The following TGIF1 variants were observed in gnomAD, a reference collection of about 807,000 sequenced individuals.
TGIF1 encodes the protein TGFB induced factor homeobox 1.
A neutral mutation model predicts 19.3 loss-of-function variants in TGIF1; 4 were observed. That is an observed-to-expected ratio of 0.21 (90% CI 0.10 to 0.47). The LOEUF is 0.47. TGIF1 is among the 20% of genes least tolerant of loss of function. The probability of loss-of-function intolerance (pLI) is 0.98; values close to 1 mark genes in which losing one functional copy is unlikely to be tolerated. For missense variants in TGIF1, 275 were observed against 341.4 expected, an observed-to-expected ratio of 0.81 and a Z score of 1.53; for synonymous variants, 122 against 129.3, an observed-to-expected ratio of 0.94 and a Z score of 0.38.
chr18:3,453,928 A>G (rs914127216), intron 1 of TGIF1: 2 of 744,102 alleles, frequency 2.7e-6, no homozygotes, highest in African/African-American at 3.8e-5. Context: ...ACAATAGGAA[A>G]TGAGTAAGGA....
At chr18:3,442,966 G>C (rs890226548) in intron 2 of TGIF1, among the ~76,000 whole-genome samples, 6 of 152,160 alleles carry the variant, frequency 3.9e-5, no homozygotes, top group African/African-American at 1.4e-4. Flanking sequence ...ATTTTAAATA[G>C]GTAAGATCAT....
upstream of TGIF1, chr18:3,448,285 C>T (rs2082785167): frequency 1.0e-6 from 1 of 985,452 alleles, no homozygotes; most frequent in Non-Finnish European, 1.2e-6. Flanking sequence ...CCTCCCTCCG[C>T]TCCCGGCTCC....
At chr18:3,436,385 C>A (rs2082614568) in intron 2 of TGIF1, among the ~76,000 whole-genome samples, 1 of 152,148 alleles carries the variant, frequency 6.6e-6, no homozygotes, top group South Asian at 2.1e-4. Context: ...CAAACTTTAT[C>A]CAGCAGATGA....
chr18:3,450,799 C>T (rs2082890517), intron 1 of TGIF1, among the ~76,000 whole-genome samples: 2 of 152,224 alleles, frequency 1.3e-5, no homozygotes, highest in African/African-American at 2.4e-5. Context: ...TCCGCCGACA[C>T]CCCACGCTCG....
At chr18:3,425,355 C>G (rs1035185145) in intron 2 of TGIF1, among the ~76,000 whole-genome samples, 10 of 152,274 alleles carry the variant, frequency 6.6e-5, no homozygotes, top group African/African-American at 2.4e-4. Context: ...CTAAACTACC[C>G]TTGTAAAACT....
rs2082931836 is a variant in TGIF1 at position 3,451,550 on chromosome 18, C to T, written c.16+1045C>T. 4.0e-6 allele frequency: 4 copies of T among 1,012,460 alleles called. No individual in the cohort carries two copies. In the South Asian group the frequency reaches 1.4e-4, roughly 35 times the overall value. The allele number at this position is 1,012,460 out of a possible 1,614,324, so 62.7% of individuals were successfully genotyped here. A position where few individuals can be genotyped will look rare whatever the true frequency, so the allele number is the denominator to read the frequency against. ...CTCGGGAAGCGGACGGGAGGGGCGG[C>T]GCTACTGCGCATGCCCGGGAGCCGC... On this transcript the variant is annotated intron_variant, in intron 1 of 2. Transcript: ENST00000343820. This position sits in a 1 kb window ranked among gnomAD's most constrained non-coding sequence, Gnocchi z 5.4.
chr18:3,450,734 C>A (rs1486137223), intron 1 of TGIF1, among the ~76,000 whole-genome samples: 3 of 152,208 alleles, frequency 2.0e-5, no homozygotes, highest in African/African-American at 4.8e-5. Context: ...GCTGCTGGCA[C>A]GTTGTCAAGA....
rs915607915 is a variant in TGIF1 at position 3,456,189 on chromosome 18, C to T, written c.17-165C>T. The T allele has an allele frequency of 2.6e-6, 2 of 775,050 alleles. No individual in the cohort carries two copies. Among genetic ancestry groups the T allele is most frequent in the Non-Finnish European group, 4.6e-6 (2 of 437,484 alleles). The allele number at this position is 775,050 out of a possible 1,614,324, so 48.0% of individuals were successfully genotyped here. ...AGCCTCCTATGTGGTGCTAGTCAAA[C>T]TACTTTTACTTGGACCCTGAATTCA... On this transcript the variant is annotated intron_variant, in intron 1 of 2. Coordinates refer to ENST00000343820, the MANE Select transcript of TGIF1 (RefSeq NM_003244.4). This position sits in a 1 kb window ranked among gnomAD's most constrained non-coding sequence, Gnocchi z 4.2.
At chr18:3,448,542 G>A, upstream of TGIF1, 1 of 988,478 alleles carries the variant, frequency 1.0e-6, no homozygotes, top group Non-Finnish European at 1.2e-6. Flanking sequence ...CGTTTTAGGT[G>A]TGTGTTCTCT....
In TGIF1 at chr18:3,456,070, A is replaced by ATCATTCAG; in HGVS notation, c.17-284_17-283insTCATTCAG. The stretch of plus-strand genomic sequence containing the variant: ...GTTTGTCTCCTCCAATGATTAGACG[A>ATCATTCAG]AAGAGTTTTCTGACCATCATTCAAA... On this transcript the variant is annotated intron_variant, in intron 1 of 2. Coordinates refer to ENST00000343820, the MANE Select transcript of TGIF1 (RefSeq NM_003244.4). This position sits in a 1 kb window ranked among gnomAD's most constrained non-coding sequence, Gnocchi z 4.2. 6.3e-6 allele frequency: 3 copies of ATCATTCAG among 476,546 alleles called. 1 individual carries two copies. Among genetic ancestry groups the ATCATTCAG allele is most frequent in the South Asian group, 6.3e-5 (3 of 47,894 alleles). The allele number at this position is 476,546 out of a possible 1,614,324, so 29.5% of individuals were successfully genotyped here.
At chr18:3,445,756 G>GAGAA (rs2082735699), upstream of TGIF1, among the ~76,000 whole-genome samples, 2 of 22,744 alleles carry the variant, frequency 8.8e-5, no homozygotes, top group African/African-American at 4.3e-4. Flanking sequence ...AAAAAAAAGA[G>GAGAA]AAGAAAAGCA....
intron 1 of TGIF1, 96 bp downstream of exon 1, chr18:3,450,601 C>A: frequency 1.3e-6 from 2 of 1,545,900 alleles, no homozygotes; most frequent in East Asian, 2.4e-5. Flanking sequence ...TGGACTTTTC[C>A]GCCCAGGGGC....
At chr18:3,452,174 G>A (rs761484867) in intron 1 of TGIF1, 3 of 1,613,500 alleles carry the variant, frequency 1.9e-6, no homozygotes, top group East Asian at 2.2e-5. Flanking sequence ...CAGCGCCGTG[G>A]TCCTCCCTGG....
chr18:3,453,708 A>AT, intron 1 of TGIF1: 7 of 587,768 alleles, frequency 1.2e-5, no homozygotes, highest in Non-Finnish European at 1.5e-5. Flanking sequence ...AAAAAAAAAA[A>AT]GAACGTGCAG....
chr18:3,434,392 C>G (rs1023751653), intron 2 of TGIF1, among the ~76,000 whole-genome samples: 2 of 152,028 alleles, frequency 1.3e-5, no homozygotes, highest in Admixed American at 6.6e-5. Flanking sequence ...CAAAATTACC[C>G]GGGCGTGGTG....
chr18:3,420,625 T>C (rs1311409854), intron 2 of TGIF1, among the ~76,000 whole-genome samples: 3 of 152,150 alleles, frequency 2.0e-5, no homozygotes, highest in African/African-American at 7.2e-5. Context: ...TCACTTTAAA[T>C]ATGCAGGCAC....
intron 2 of TGIF1, among the ~76,000 whole-genome samples, chr18:3,422,056 T>C (rs920820520): frequency 2.6e-5 from 4 of 151,666 alleles, no homozygotes; most frequent in African/African-American, 4.8e-5. Flanking sequence ...TAATTGGGCG[T>C]GGAGGTGGTC....
chr18:3,454,947 A>T (rs2083118785), intron 1 of TGIF1, among the ~76,000 whole-genome samples: 1 of 152,198 alleles, frequency 6.6e-6, no homozygotes. Flanking sequence ...AAATTCCTTT[A>T]AAAAACACGG....
In TGIF1 at chr18:3,443,543, C is replaced by T. The variant is rs568107868; in HGVS notation, c.-44-12811C>T. ...CTCTGTGCACTACAGGTGTATACCA[C>T]GAAGCCCAGCCAATATAATATGAAA... On this transcript the variant is annotated intron_variant, in intron 2 of 3. Coordinates refer to the TGIF1 transcript ENST00000401449. 1.4e-4 allele frequency among the ~76,000 whole-genome samples: 22 copies of T among 152,088 alleles called. No homozygotes were observed. The South Asian group carries it at 2.3e-3, about 16-fold the overall frequency.
Sources: gnomAD v4.1 joint callset for allele counts (sites outside exome capture counted in the v4.1 genomes callset) on GRCh38, gnomAD v4.1.1 for gene constraint, Gnocchi (gnomAD v3.1) non-coding constraint, MANE v1.5 for transcripts, NCBI Gene and HGNC (gene_info 2026-07-23, HGNC 2026-07-21) for gene names.